The following XRRA1 variants were observed in gnomAD, a reference collection of about 807,000 sequenced individuals.
XRRA1 encodes the protein X-ray radiation resistance-associated protein 1.
A neutral mutation model predicts 80.2 loss-of-function variants in XRRA1; 69 were observed. The observed-to-expected ratio is 0.86, with a 90% CI of 0.71 to 1.05. The LOEUF is 1.05. XRRA1 is among the 50% of genes least tolerant of loss of function. The pLI, the probability that XRRA1 is intolerant of heterozygous loss-of-function variation, is 0.00. For synonymous variants in XRRA1, 348 were observed against 389.9 expected (o/e 0.89, Z 1.27); for missense variants, 967 against 976.4 (o/e 0.99, Z 0.13).
chr11:74,864,135 A>C (rs2042891447), intron 10 of XRRA1: 1 of 152,266 alleles, frequency 6.6e-6, no homozygotes, highest in Admixed American at 6.5e-5. Flanking sequence ...CAAAAGTTAT[A>C]AAAACTTCAA....
intron 10 of XRRA1, among the ~76,000 whole-genome samples, chr11:74,871,464 G>A (rs1447397558): frequency 6.6e-6 from 1 of 152,196 alleles, no homozygotes; most frequent in Non-Finnish European, 1.5e-5. Flanking sequence ...TCCTGAAACT[G>A]CTTTTGCACA....
intron 12 of XRRA1, 92 bp from the exon 13 acceptor site, chr11:74,852,174 T>G: frequency 9.4e-7 from 1 of 1,058,950 alleles, no homozygotes; most frequent in Admixed American, 1.8e-5. Context: ...GCTACATGCT[T>G]GCTAGGATTG....
intron 2 of XRRA1, among the ~76,000 whole-genome samples, chr11:74,942,365 AC>A (rs1946500046): frequency 6.6e-6 from 1 of 152,190 alleles, no homozygotes. Flanking sequence ...GCAAGGCAAT[AC>A]AAAAAGTGAA....
At chr11:74,934,210 G>A (rs1189425355) in intron 4 of XRRA1, among the ~76,000 whole-genome samples, 3 of 152,212 alleles carry the variant, frequency 2.0e-5, no homozygotes, top group African/African-American at 7.2e-5. Context: ...CAGTTAGTAA[G>A]TGACAGATCT....
At chr11:74,918,484 G>A (rs1048451451) in intron 8 of XRRA1, among the ~76,000 whole-genome samples, 5 of 152,144 alleles carry the variant, frequency 3.3e-5, no homozygotes, top group African/African-American at 9.7e-5. Context: ...TTGAGGGGAT[G>A]GTGAAAGTGT....
chr11:74,918,299 AGTGT>A (rs35763136), intron 8 of XRRA1, among the ~76,000 whole-genome samples: 5,568 of 150,126 alleles, frequency 0.037, 119 homozygotes, highest in Middle Eastern at 0.056. Flanking sequence ...TTCCTTCCTT[AGTGT>A]GTGTGTGTGT....
At chr11:74,927,355 T>C (rs1367492823) in intron 7 of XRRA1, 36 bp downstream of exon 7, 3 of 1,234,310 alleles carry the variant, frequency 2.4e-6, no homozygotes, top group Non-Finnish European at 3.5e-6. Context: ...ACAGGGGAAC[T>C]TGGTGGGCAC....
intron 13 of XRRA1, among the ~76,000 whole-genome samples, 186 bp downstream of exon 13, chr11:74,851,803 C>T (rs2039932075): frequency 1.3e-5 from 2 of 152,214 alleles, no homozygotes; most frequent in East Asian, 1.9e-4. Flanking sequence ...ATAATGCCTG[C>T]TCACAGGGTT....
chr11:74,864,774 C>T (rs567631479), intron 10 of XRRA1, among the ~76,000 whole-genome samples: 16 of 152,332 alleles, frequency 1.1e-4, no homozygotes, highest in Middle Eastern at 3.4e-3. Flanking sequence ...GCTGAGGTCC[C>T]TGCTCACAGC....
chr11:74,934,036 C>T (rs1314634395), intron 4 of XRRA1, among the ~76,000 whole-genome samples, 164 bp from the exon 5 acceptor site: 1 of 152,074 alleles, frequency 6.6e-6, no homozygotes, highest in African/African-American at 2.4e-5. Context: ...ATTCATTCGC[C>T]AAATATTTAC....
intron 3 of XRRA1, among the ~76,000 whole-genome samples, chr11:74,937,380 A>G (rs1945249961): frequency 6.6e-6 from 1 of 152,134 alleles, no homozygotes; most frequent in Admixed American, 6.5e-5. Flanking sequence ...TCCTTCAAAA[A>G]CTAAGATCAA....
At position 74,936,991 on chromosome 11, in the gene XRRA1, G is replaced by T. The variant is rs202056915; in HGVS notation, c.172C>A (p.Arg58Ser). ...PKGLVGAQAE[R>S]RESLKATSFE... ...GAAGTCGCCTTCAGGCTTTCCCGAC[G>T]TTCAGCTTGTGCTCCAACCAAACCC... is the stretch of plus-strand genomic sequence containing the variant. Residue 58 changes from arginine (R) to serine (S), a missense_variant, in exon 4 of 19, where the codon CGT becomes AGT. Physicochemically the swap from Arg to Ser is moderately radical, Grantham distance 110. Transcript: ENST00000684022. 8,220 of 1,613,798 alleles carry T rather than the reference G, an allele frequency of 5.1e-3. 28 individuals are homozygous for T. Among genetic ancestry groups the T allele is most frequent in the Non-Finnish European group, 6.3e-3 (7,442 of 1,179,862 alleles).
In XRRA1 at chr11:74,842,967, A is replaced by G. The variant is rs374121499; in HGVS notation, c.*233T>C. 16 of 554,260 alleles carry G rather than the reference A, an allele frequency of 2.9e-5. No homozygotes were observed. The African/African-American group carries it at 3.0e-4, about 10-fold the overall frequency. 34.3% of individuals were successfully genotyped at this position (554,260 alleles called of 1,614,324 possible). On this transcript the variant is annotated 3_prime_UTR_variant, in exon 19 of 19. Coordinates refer to ENST00000684022, the MANE Select transcript of XRRA1 (RefSeq NM_001378157.1). Reference sequence around the variant, plus strand: ...AAAGAATGCATGTGGCACCCAGTCTATTGCCCTGTGCACCCACTCTTTATT... The same window carrying G: ...AAAGAATGCATGTGGCACCCAGTCTGTTGCCCTGTGCACCCACTCTTTATT...
At chr11:74,925,183 T>C (rs1395577452) in intron 7 of XRRA1, among the ~76,000 whole-genome samples, 3 of 152,254 alleles carry the variant, frequency 2.0e-5, no homozygotes. Flanking sequence ...AGAGGGTACG[T>C]TGTTTGGCCA....
At chr11:74,939,659 T>C (rs1455833596) in intron 3 of XRRA1, among the ~76,000 whole-genome samples, 2 of 152,248 alleles carry the variant, frequency 1.3e-5, no homozygotes, top group African/African-American at 4.8e-5. Context: ...CCATGTTCTT[T>C]TCACTGGAGA....
rs369112462 is a variant in XRRA1, at chr11:74,940,848, C to G, written c.31G>C (p.Asp11His). The change falls in exon 3 of 19, where the codon GAT becomes CAT. Residue 11 changes from aspartate to histidine, a missense_variant. Physicochemically the swap from Asp to His is moderately conservative, Grantham distance 81. Transcript: ENST00000684022. Reference sequence around the variant, plus strand: ...CAGTTGTTCAGGTAAGGCTTCCCATCATCCAGCTTGTAGATTCCTGAGAAG... The same window carrying G: ...CAGTTGTTCAGGTAAGGCTTCCCATGATCCAGCTTGTAGATTCCTGAGAAG... Reference protein sequence around the residue: MAFSGIYKLDDGKPYLNNCFP... With the variant: MAFSGIYKLDHGKPYLNNCFP... 6.2e-7 allele frequency: 1 copy of G among 1,609,416 alleles called. No homozygotes were observed. The highest frequency in any genetic ancestry group is 1.1e-5 in the South Asian group (1 of 89,704).
chr11:74,877,933 G>C (rs2046461473), intron 10 of XRRA1, among the ~76,000 whole-genome samples: 1 of 151,836 alleles, frequency 6.6e-6, no homozygotes, highest in Non-Finnish European at 1.5e-5. Flanking sequence ...ACGTGTGCAT[G>C]TGTCTTTATA....
intron 10 of XRRA1, among the ~76,000 whole-genome samples, chr11:74,892,960 A>T (rs2051190341): frequency 6.6e-6 from 1 of 152,202 alleles, no homozygotes; most frequent in South Asian, 2.1e-4. Flanking sequence ...TGTTGGTGGG[A>T]CTGTAAACTA....
chr11:74,851,809 G>C (rs1470263548), intron 13 of XRRA1, among the ~76,000 whole-genome samples, 180 bp downstream of exon 13: 3 of 152,180 alleles, frequency 2.0e-5, no homozygotes, highest in African/African-American at 7.2e-5. Flanking sequence ...CCTGCTCACA[G>C]GGTTACTGTC....
Sources: gnomAD v4.1 joint callset for allele counts (sites outside exome capture counted in the v4.1 genomes callset) on GRCh38, gnomAD v4.1.1 for gene constraint, MANE v1.5 for transcripts, NCBI Gene and HGNC (gene_info 2026-07-23, HGNC 2026-07-21) for gene names.